Variants in ALLC observed in about 807,000 individuals in gnomAD.
ALLC encodes the protein allantoicase, also known as probable inactive allantoicase.
A neutral mutation model predicts 45.0 loss-of-function variants in ALLC; 40 were observed. The ratio of observed to expected loss-of-function variants is 0.89; its 90% CI spans 0.69 to 1.16. The LOEUF (loss-of-function observed/expected upper bound fraction) is 1.16, where lower values mean the gene tolerates loss of function less well. Ranked by LOEUF, ALLC falls within the 50% of genes most tolerant of loss-of-function variation. ALLC has a pLI of 0.00. For synonymous variants in ALLC, 176 were observed against 178.1 expected, an observed-to-expected ratio of 0.99 and a Z score of 0.09; for missense variants, 488 against 493.1, an observed-to-expected ratio of 0.99 and a Z score of 0.10.
At chr2:3,651,431 GTGTGTGTGTGT>G in the ALLC span, among the ~76,000 whole-genome samples, 9 of 60,360 alleles carry the variant, frequency 1.5e-4, no homozygotes, top group South Asian at 8.1e-4. Flanking sequence ...GTGTGTGTGT[GTGTGTGTGTGT>G]TAGGAAGGGA....
intron 1 of ALLC, among the ~76,000 whole-genome samples, chr2:3,660,329 T>C (rs1193733590): frequency 1.3e-5 from 2 of 152,132 alleles, no homozygotes; most frequent in Non-Finnish European, 1.5e-5. Context: ...CGCCGTGCTT[T>C]CTGTACCGCC....
At chr2:3,677,815 A>T (rs555443380) in intron 3 of ALLC, among the ~76,000 whole-genome samples, 64 of 152,362 alleles carry the variant, frequency 4.2e-4, no homozygotes, top group African/African-American at 1.5e-3. Context: ...TGATGGAAAC[A>T]GGGAAAGTAT....
intron 1 of ALLC, among the ~76,000 whole-genome samples, chr2:3,661,175 A>G (rs1666568398): frequency 6.6e-6 from 1 of 152,140 alleles, no homozygotes; most frequent in African/African-American, 2.4e-5. Flanking sequence ...CAATGGGTAT[A>G]ATAATGTGTG....
intron 4 of ALLC, among the ~76,000 whole-genome samples, 155 bp downstream of exon 4, chr2:3,678,710 A>G (rs1667093109): frequency 6.6e-6 from 1 of 152,222 alleles, no homozygotes; most frequent in African/African-American, 2.4e-5. Flanking sequence ...ATCAGGCTCT[A>G]AGTCAGGAAG....
At chr2:3,689,947 C>T (rs1421461472) in intron 7 of ALLC, among the ~76,000 whole-genome samples, 2 of 137,790 alleles carry the variant, frequency 1.5e-5, no homozygotes, top group African/African-American at 5.2e-5. Context: ...AGTGTCTTGT[C>T]TTTTTTTTTT....
the ALLC span, among the ~76,000 whole-genome samples, chr2:3,647,910 A>G: frequency 6.6e-6 from 1 of 152,198 alleles, no homozygotes; most frequent in Non-Finnish European, 1.5e-5. Flanking sequence ...TGTAGGGGAG[A>G]AACAGACCTG....
chr2:3,671,497 A>G (rs1310780136), intron 2 of ALLC, among the ~76,000 whole-genome samples: 1 of 152,244 alleles, frequency 6.6e-6, no homozygotes, highest in African/African-American at 2.4e-5. Context: ...CTGGAGTTAA[A>G]TCGGAGGTCC....
the ALLC span, among the ~76,000 whole-genome samples, chr2:3,645,863 G>A: frequency 6.0e-4 from 92 of 152,114 alleles, no homozygotes; most frequent in African/African-American, 2.1e-3. This position sits in a 1 kb window ranked among gnomAD's most constrained non-coding sequence, Gnocchi z 4.3. Context: ...CCCAGCTGGT[G>A]TTGTGGGGCG....
intron 1 of ALLC, among the ~76,000 whole-genome samples, chr2:3,663,550 C>T (rs1223192391): frequency 6.6e-6 from 1 of 151,394 alleles, no homozygotes; most frequent in East Asian, 1.9e-4. Context: ...CAAACCTGCA[C>T]ATCCTGCACA....
At chr2:3,645,933 A>G in the ALLC span, among the ~76,000 whole-genome samples, 1 of 152,154 alleles carries the variant, frequency 6.6e-6, no homozygotes, top group African/African-American at 2.4e-5. This position sits in a 1 kb window ranked among gnomAD's most constrained non-coding sequence, Gnocchi z 4.3. Context: ...CCTGTGAGGG[A>G]GGCCCCGACG....
At chr2:3,700,814 G>A (rs1404931441) in intron 10 of ALLC, among the ~76,000 whole-genome samples, 1 of 152,132 alleles carries the variant, frequency 6.6e-6, no homozygotes, top group Non-Finnish European at 1.5e-5. Flanking sequence ...GCCACAAAGG[G>A]GGCATGTGAG....
chr2:3,647,564 C>CGTCCTCTCCTG, the ALLC span, among the ~76,000 whole-genome samples: 8 of 151,956 alleles, frequency 5.3e-5, no homozygotes, highest in African/African-American at 1.2e-4. Context: ...GTCGCTCACC[C>CGTCCTCTCCTG]ATCTTCTCCT....
the ALLC span, among the ~76,000 whole-genome samples, chr2:3,646,489 A>C: frequency 6.6e-6 from 1 of 152,214 alleles, no homozygotes; most frequent in South Asian, 2.1e-4. Flanking sequence ...CATTGGAAGG[A>C]CATAGCAAAC....
chr2:3,679,475 C>T (rs180854513), intron 4 of ALLC, among the ~76,000 whole-genome samples: 1 of 152,286 alleles, frequency 6.6e-6, no homozygotes, highest in Non-Finnish European at 1.5e-5. Context: ...CTTTCTACAT[C>T]GCACACTCAG....
intron 2 of ALLC, among the ~76,000 whole-genome samples, chr2:3,671,511 GGCTCTGGTTAGATAGGAGGTCCTCT>G (rs1666867910): frequency 6.6e-6 from 1 of 150,698 alleles, no homozygotes; most frequent in Non-Finnish European, 1.5e-5. Context: ...GAGGTCCTCT[GGCTCTGGTTAGATAGGAGGTCCTCT>G]GGCTCTGGTT....
chr2:3,694,957 C>T (rs1327613069), intron 7 of ALLC: 1 of 152,138 alleles, frequency 6.6e-6, no homozygotes, highest in East Asian at 1.9e-4. Context: ...GCTCTGCAGA[C>T]CTAATTTCAG....
At chr2:3,695,672 G>A (rs1667645280) in intron 7 of ALLC, 45 bp from the exon 8 acceptor site, 1 of 1,611,242 alleles carries the variant, frequency 6.2e-7, no homozygotes, top group Non-Finnish European at 8.5e-7. Flanking sequence ...TGATACACAA[G>A]CAGCCATTTT....
chr2:3,673,489 C>T (rs1666946504), intron 2 of ALLC, among the ~76,000 whole-genome samples: 1 of 152,356 alleles, frequency 6.6e-6, no homozygotes, highest in Non-Finnish European at 1.5e-5. Flanking sequence ...GAGCCTGGGG[C>T]AGGGTGCCCT....
the ALLC span, among the ~76,000 whole-genome samples, chr2:3,652,977 T>C: frequency 3.3e-5 from 5 of 152,198 alleles, no homozygotes; most frequent in African/African-American, 9.7e-5. Context: ...GCAGTTGTTA[T>C]GGTCTTGGCT....
Sources: gnomAD v4.1 joint callset for allele counts (sites outside exome capture counted in the v4.1 genomes callset) on GRCh38, gnomAD v4.1.1 for gene constraint, Gnocchi (gnomAD v3.1) non-coding constraint, MANE v1.5 for transcripts, NCBI Gene and HGNC (gene_info 2026-07-23, HGNC 2026-07-21) for gene names.